The following CDYL variants were observed in gnomAD, a reference collection of about 807,000 sequenced individuals.
CDYL encodes the protein chromodomain Y like.
A neutral mutation model predicts 47.3 loss-of-function variants in CDYL; 8 were observed. That is an observed-to-expected ratio of 0.17 (90% CI 0.10 to 0.31). CDYL has a LOEUF of 0.31. CDYL is among the 10% of genes least tolerant of loss of function. The pLI, the probability that CDYL is intolerant of heterozygous loss-of-function variation, is 1.00. For missense variants in CDYL, 471 were observed against 701.4 expected, an observed-to-expected ratio of 0.67 and a Z score of 3.71; for synonymous variants, 266 against 265.0, an observed-to-expected ratio of 1.00 and a Z score of -0.04.
At chr6:4,840,352 C>T (rs574938090) in intron 1 of CDYL, among the ~76,000 whole-genome samples, 30 of 152,216 alleles carry the variant, frequency 2.0e-4, no homozygotes, top group African/African-American at 6.7e-4. Context: ...CATCAGCAAA[C>T]GGTGACGGTT....
chr6:4,730,089 A>G (rs1174211757), intron 2 of CDYL, among the ~76,000 whole-genome samples: 11 of 152,188 alleles, frequency 7.2e-5, no homozygotes, highest in Non-Finnish European at 1.2e-4. Context: ...TAGTCTGGAA[A>G]ATGATAAAGG....
Position 4,716,821 on chromosome 6 carries a change from T to TA in CDYL, c.103+941dup, listed in dbSNP as rs549315251. 1.6e-4 allele frequency among the ~76,000 whole-genome samples: 25 copies of TA among 152,178 alleles called. No individual in the cohort carries two copies. In the East Asian group the frequency reaches 4.6e-3, roughly 28 times the overall value. Reference sequence around the variant, plus strand: ...ATGGAGCAAGGTGCTTCAGGGTGTTTAGCAATGAGCAAGACAAAGACACTG... The same window carrying TA: ...ATGGAGCAAGGTGCTTCAGGGTGTTTAAGCAATGAGCAAGACAAAGACACTG... On this transcript the variant is annotated intron_variant, in intron 2 of 8. Transcript: ENST00000328908.
chr6:4,894,608 C>T (rs1384399859), intron 2 of CDYL, among the ~76,000 whole-genome samples: 1 of 152,090 alleles, frequency 6.6e-6, no homozygotes, highest in Non-Finnish European at 1.5e-5. Flanking sequence ...CACCACCAAT[C>T]CCGGCTAATT....
chr6:4,898,935 G>A (rs1756923287), intron 2 of CDYL, among the ~76,000 whole-genome samples: 1 of 152,304 alleles, frequency 6.6e-6, no homozygotes, highest in South Asian at 2.1e-4. Context: ...TTCATTGCTT[G>A]GAGCCCTCTC....
chr6:4,887,034 C>G (rs1054660809), intron 1 of CDYL, among the ~76,000 whole-genome samples: 5 of 152,178 alleles, frequency 3.3e-5, no homozygotes, highest in Admixed American at 3.3e-4. Flanking sequence ...TCAGAGCCTT[C>G]TATTCCATTA....
chr6:4,837,940 A>ATTT (rs61308950), intron 1 of CDYL, among the ~76,000 whole-genome samples: 7 of 141,884 alleles, frequency 4.9e-5, no homozygotes, highest in African/African-American at 1.8e-4. Flanking sequence ...AACCCAGCTA[A>ATTT]TTTTTTTTTT....
chr6:4,941,699 T>C (rs1033637467), intron 4 of CDYL, among the ~76,000 whole-genome samples: 3 of 152,242 alleles, frequency 2.0e-5, no homozygotes, highest in South Asian at 2.1e-4. Context: ...TATACAAATA[T>C]ATGGGCATGG....
intron 5 of CDYL, among the ~76,000 whole-genome samples, chr6:4,950,650 C>T (rs1301406831): frequency 6.6e-6 from 1 of 152,190 alleles, no homozygotes; most frequent in Non-Finnish European, 1.5e-5. Flanking sequence ...TCTTCAAAAA[C>T]TCATGACTTT....
intron 2 of CDYL, among the ~76,000 whole-genome samples, chr6:4,911,306 T>G: frequency 6.6e-6 from 1 of 152,226 alleles, no homozygotes; most frequent in East Asian, 1.9e-4. Context: ...GGCTGCAGAT[T>G]TGGCTTTCAG....
At chr6:4,918,032 A>AT (rs1757605277) in intron 2 of CDYL, among the ~76,000 whole-genome samples, 1 of 152,230 alleles carries the variant, frequency 6.6e-6, no homozygotes, top group Admixed American at 6.5e-5. Flanking sequence ...AGGTTTTGAA[A>AT]TTAACGGCCA....
At chr6:4,793,275 A>G (rs555729760) in intron 1 of CDYL, among the ~76,000 whole-genome samples, 1 of 152,294 alleles carries the variant, frequency 6.6e-6, no homozygotes, top group East Asian at 1.9e-4. Flanking sequence ...CCGCTCAGCC[A>G]CTGCCCGCCC....
intron 3 of CDYL, among the ~76,000 whole-genome samples, chr6:4,744,701 AC>A (rs1278521648): frequency 6.6e-6 from 1 of 152,202 alleles, no homozygotes; most frequent in Non-Finnish European, 1.5e-5. Context: ...TCTTCATTTT[AC>A]AGATAAGGAA....
chr6:4,950,614 CA>C (rs1482212857), intron 5 of CDYL, among the ~76,000 whole-genome samples: 2 of 152,248 alleles, frequency 1.3e-5, no homozygotes, highest in East Asian at 3.9e-4. Flanking sequence ...CTCGTCAGTT[CA>C]GGGGTTTCTA....
chr6:4,846,918 C>CTT, intron 1 of CDYL, among the ~76,000 whole-genome samples: 1 of 152,290 alleles, frequency 6.6e-6, no homozygotes. Context: ...TAGTTCTACT[C>CTT]TTTCCTTTTC....
At chr6:4,820,630 G>A (rs1028465336) in intron 1 of CDYL, among the ~76,000 whole-genome samples, 24 of 152,272 alleles carry the variant, frequency 1.6e-4, no homozygotes, top group African/African-American at 5.8e-4. Flanking sequence ...CCACCAGATT[G>A]TATTTAAGAA....
At chr6:4,945,157 G>A (rs1758474584) in intron 5 of CDYL, among the ~76,000 whole-genome samples, 2 of 152,154 alleles carry the variant, frequency 1.3e-5, no homozygotes, top group African/African-American at 2.4e-5. Flanking sequence ...GAGTGGGAAG[G>A]CTGGTGAAAT....
In CDYL at chr6:4,952,263, C is replaced by T; in HGVS notation, c.1333-3C>T. The T allele has an allele frequency of 6.2e-7, 1 of 1,612,632 alleles. No homozygotes were observed. The highest frequency in any genetic ancestry group is 2.2e-5 in the East Asian group (1 of 44,828). The stretch of plus-strand genomic sequence containing the variant: ...ATATTACATCCACTCTTCTTCCTTG[C>T]AGGCAAACGAGATGCTGCTCAGTGG... On this transcript the variant is annotated splice_region_variant and splice_polypyrimidine_tract_variant and intron_variant, in intron 5 of 6. Coordinates refer to ENST00000397588, the MANE Select transcript of CDYL (RefSeq NM_004824.4).
At position 4,807,815 on chromosome 6, in the gene CDYL, G is replaced by T. The variant is rs368483607; in HGVS notation, c.24+31008G>T. Reference sequence around the variant, plus strand: ...GAGATAGGGTCTTGCTATGTTGCCCGTGCTGGTCTTGAACTCCTTGGGGTC... The same window carrying T: ...GAGATAGGGTCTTGCTATGTTGCCCTTGCTGGTCTTGAACTCCTTGGGGTC... On this transcript the variant is annotated intron_variant, in intron 1 of 6. Transcript: ENST00000397588. 4.7e-4 allele frequency among the ~76,000 whole-genome samples: 72 copies of T among 151,744 alleles called. 1 individual carries two copies. The highest frequency in any genetic ancestry group is 9.1e-4 in the Non-Finnish European group (62 of 67,900).
rs184728574 is a variant in CDYL at position 4,747,085 on chromosome 6, G to A, written c.186+12241G>A. Among the ~76,000 whole-genome samples the A allele has an allele frequency of 2.3e-3, 356 of 152,228 alleles. 5 individuals carry two copies. The highest frequency in any genetic ancestry group is 0.012 in the East Asian group (60 of 5,160). On this transcript the variant is annotated intron_variant, in intron 3 of 8. Transcript: ENST00000328908. ...GCACTTTGGGAGGTCGAGGCGGGCC[G>A]ATCATGAGGTCAAGAGTTCAAGACC...
Sources: allele counts gnomAD v4.1 joint callset (sites outside exome capture counted in the v4.1 genomes callset), GRCh38; gene constraint gnomAD v4.1.1; transcripts MANE v1.5; gene names NCBI Gene and HGNC (gene_info 2026-07-23, HGNC 2026-07-21).